VPS53: variants seen among roughly 807,000 people sequenced by gnomAD.
VPS53 encodes vacuolar protein sorting-associated protein 53 homolog.
In VPS53, 70 loss-of-function variants were observed where a neutral mutation model predicts 107.0. The observed-to-expected ratio is 0.65, with a 90% CI of 0.54 to 0.80. VPS53 has a LOEUF of 0.80. Ranked by LOEUF, VPS53 falls within the 30% of genes least tolerant of loss-of-function variation. The probability of loss-of-function intolerance (pLI) is 0.00; values close to 1 mark genes in which losing one functional copy is unlikely to be tolerated. For synonymous variants in VPS53, 409 were observed against 393.3 expected (o/e 1.04, Z -0.47); for missense variants, 917 against 1,049.4 (o/e 0.87, Z 1.74).
chr17:567,523 C>T (rs1349490966), intron 13 of VPS53, among the ~76,000 whole-genome samples: 2 of 147,398 alleles, frequency 1.4e-5, no homozygotes, highest in African/African-American at 5.1e-5. Context: ...TTTTTTGAGA[C>T]AGAGTATTGC....
intron 11 of VPS53, among the ~76,000 whole-genome samples, chr17:603,691 T>G (rs964003616): frequency 2.0e-5 from 3 of 152,134 alleles, no homozygotes; most frequent in African/African-American, 7.2e-5. Flanking sequence ...AGCAAGTATT[T>G]CACATTTGCA....
rs539198520 is a variant in VPS53, at chr17:562,542, C to T, written c.1517G>A (p.Arg506Gln). The change falls in exon 14 of 22, where the codon CGA (arginine) becomes CAA (glutamine). Residue 506 changes from arginine to glutamine, a missense_variant. Transcript: ENST00000437048. The stretch of plus-strand genomic sequence containing the variant: ...AGAGAGGATTTTCCAGGCGTATTCT[C>T]GGAGGTACTTCTGGAAAATGGTGGT... ...ALTTIFQKYLREYAWKILSGN... is the reference protein window; with the variant it reads ...ALTTIFQKYLQEYAWKILSGN... The T allele has an allele frequency of 6.3e-5, 102 of 1,613,986 alleles. 1 individual carries two copies. The highest frequency in any genetic ancestry group is 8.9e-5 in the East Asian group (4 of 44,868).
chr17:649,542 G>C (rs1970845830), intron 7 of VPS53, among the ~76,000 whole-genome samples: 2 of 140,634 alleles, frequency 1.4e-5, no homozygotes, highest in Non-Finnish European at 1.6e-5. Flanking sequence ...GAATGGAACA[G>C]GCACTGAAGA....
chr17:634,356 T>C (rs1384477855), intron 7 of VPS53, among the ~76,000 whole-genome samples: 2 of 152,206 alleles, frequency 1.3e-5, no homozygotes, highest in Non-Finnish European at 2.9e-5. Flanking sequence ...GCCATGCTCT[T>C]CATTTTCATT....
At chr17:592,509 G>A (rs1397101460) in intron 12 of VPS53, among the ~76,000 whole-genome samples, 1 of 152,166 alleles carries the variant, frequency 6.6e-6, no homozygotes, top group East Asian at 1.9e-4. Flanking sequence ...ATTTTGGCAT[G>A]ATTTTGCAGT....
chr17:572,180 C>G (rs1914175184), intron 13 of VPS53, among the ~76,000 whole-genome samples: 2 of 150,024 alleles, frequency 1.3e-5, no homozygotes, highest in South Asian at 4.2e-4. Context: ...ATGTGGGGAG[C>G]GCCTTTGCCC....
At chr17:544,043 A>AGGGAGGGAAGAAGGAAGGGAGGG (rs1910984716) in intron 17 of VPS53, among the ~76,000 whole-genome samples, 1 of 112,254 alleles carries the variant, frequency 8.9e-6, no homozygotes, top group South Asian at 2.4e-4. Context: ...GGGAGGGAGG[A>AGGGAGGGAAGAAGGAAGGGAGGG]AGGGAGGAAG....
chr17:604,217 T>C (rs117360530), intron 11 of VPS53, among the ~76,000 whole-genome samples: 9 of 152,260 alleles, frequency 5.9e-5, no homozygotes, highest in Non-Finnish European at 1.2e-4. Context: ...TGACGTGGAC[T>C]GAGAACGTTC....
intron 4 of VPS53, among the ~76,000 whole-genome samples, chr17:690,428 A>T (rs1234062675): frequency 1.3e-5 from 2 of 152,232 alleles, no homozygotes; most frequent in Non-Finnish European, 2.9e-5. Context: ...GTTACATGAA[A>T]ATCCGGATTT....
At chr17:584,142 T>C (rs1406372267) in intron 13 of VPS53, among the ~76,000 whole-genome samples, 1 of 152,238 alleles carries the variant, frequency 6.6e-6, no homozygotes, top group Non-Finnish European at 1.5e-5. Flanking sequence ...GCAGCCGCTG[T>C]TGCTCTCCCC....
chr17:535,596 C>G (rs765126133), intron 18 of VPS53, among the ~76,000 whole-genome samples: 22 of 152,304 alleles, frequency 1.4e-4, no homozygotes, highest in Middle Eastern at 3.4e-3. Context: ...AATGAGACCC[C>G]GGAGCAGCCA....
At chr17:638,282 A>T (rs1218637937) in intron 7 of VPS53, among the ~76,000 whole-genome samples, 1 of 151,924 alleles carries the variant, frequency 6.6e-6, no homozygotes, top group Non-Finnish European at 1.5e-5. Context: ...ATCTTCCTCC[A>T]TCCCTTTATT....
chr17:532,545 C>T (rs1597253428), intron 19 of VPS53: 2 of 459,366 alleles, frequency 4.4e-6, no homozygotes, highest in South Asian at 7.1e-5. Context: ...CAGCGTGAGC[C>T]GCTGTGCCCG....
At chr17:620,716 G>A (rs1234053897) in intron 11 of VPS53, among the ~76,000 whole-genome samples, 4 of 141,720 alleles carry the variant, frequency 2.8e-5, no homozygotes, top group East Asian at 2.0e-4. Context: ...TCACTCTGTC[G>A]CCCAGGCTGG....
At chr17:689,177 G>A (rs1458479238) in intron 4 of VPS53, among the ~76,000 whole-genome samples, 1 of 152,186 alleles carries the variant, frequency 6.6e-6, no homozygotes, top group Non-Finnish European at 1.5e-5. Flanking sequence ...GAGGATGAGA[G>A]AAAGGATCAA....
At chr17:636,054 G>A (rs1450338798) in intron 7 of VPS53, among the ~76,000 whole-genome samples, 3 of 152,138 alleles carry the variant, frequency 2.0e-5, no homozygotes, top group South Asian at 2.1e-4. Flanking sequence ...CCATTTGTTT[G>A]TATACTCTTT....
intron 11 of VPS53, among the ~76,000 whole-genome samples, chr17:622,587 T>G (rs541229746): frequency 6.6e-6 from 1 of 152,306 alleles, no homozygotes; most frequent in African/African-American, 2.4e-5. Flanking sequence ...TCTACGCATA[T>G]GTAATGATGC....
At chr17:638,549 A>G (rs1372069210) in intron 7 of VPS53, among the ~76,000 whole-genome samples, 4 of 152,162 alleles carry the variant, frequency 2.6e-5, no homozygotes, top group African/African-American at 7.2e-5. Context: ...TGCAGTGGCT[A>G]GTACCGGTTG....
At position 532,985 on chromosome 17, in the gene VPS53, C is replaced by T. The variant is rs536730149; in HGVS notation, c.2016-74G>A. ...AAGAAATGCAAAAACTTTAAGGTTCCACGTATCTCCATGAAAAAACCTTTT... is the reference window on the plus strand; with the variant it reads ...AAGAAATGCAAAAACTTTAAGGTTCTACGTATCTCCATGAAAAAACCTTTT... On this transcript the variant is annotated intron_variant, in intron 18 of 21. Coordinates refer to ENST00000437048, the MANE Select transcript of VPS53 (RefSeq NM_001128159.3). 4.7e-5 allele frequency: 73 copies of T among 1,537,272 alleles called. No homozygotes were observed. In the South Asian group the frequency reaches 7.8e-4, roughly 16 times the overall value.
Sources: allele counts gnomAD v4.1 joint callset (sites outside exome capture counted in the v4.1 genomes callset), GRCh38; gene constraint gnomAD v4.1.1; transcripts MANE v1.5; gene names NCBI Gene and HGNC (gene_info 2026-07-23, HGNC 2026-07-21).